KLHL20: variants seen among roughly 807,000 people sequenced by gnomAD.
KLHL20 encodes the protein kelch-like protein 20.
In KLHL20, 29 loss-of-function variants were observed where a neutral mutation model predicts 69.5. That is an observed-to-expected ratio of 0.42 (90% CI 0.31 to 0.57). The LOEUF is 0.57. Ranked by LOEUF, KLHL20 falls within the 20% of genes least tolerant of loss-of-function variation. KLHL20 has a pLI of 0.18. For missense variants in KLHL20, 419 were observed against 776.0 expected (o/e 0.54, Z 5.47); for synonymous variants, 253 against 265.2 (o/e 0.95, Z 0.45).
intron 11 of KLHL20, 79 bp downstream of exon 11, chr1:173,782,309 A>T: frequency 1.9e-6 from 2 of 1,043,104 alleles, no homozygotes; most frequent in South Asian, 1.3e-5. Flanking sequence ...TGACCATCAG[A>T]ACTGGGATGG....
At chr1:173,774,509 C>T (rs1395483680) in intron 9 of KLHL20, 71 bp downstream of exon 9, 9 of 1,530,184 alleles carry the variant, frequency 5.9e-6, no homozygotes, top group South Asian at 2.3e-5. Context: ...TCCTACAAAA[C>T]GTGTAGAAAC....
intron 8 of KLHL20, among the ~76,000 whole-genome samples, chr1:173,773,365 T>G (rs1648231018): frequency 6.6e-6 from 1 of 150,882 alleles, no homozygotes; most frequent in Admixed American, 6.6e-5. Flanking sequence ...GAGGATTGCT[T>G]GAGGCCAGGA....
intron 3 of KLHL20, among the ~76,000 whole-genome samples, chr1:173,738,422 G>A (rs1378056048): frequency 3.9e-5 from 6 of 152,030 alleles, no homozygotes; most frequent in African/African-American, 9.7e-5. Context: ...CACCTGCCTC[G>A]GTGTCCCAAA....
intron 3 of KLHL20, among the ~76,000 whole-genome samples, chr1:173,745,761 T>C (rs1268305037): frequency 1.3e-5 from 2 of 152,210 alleles, no homozygotes; most frequent in African/African-American, 4.8e-5. Flanking sequence ...AATGGAAATA[T>C]TGTACATACT....
chr1:173,715,716 GT>G (rs1199859072), intron 1 of KLHL20: 2 of 306,756 alleles, frequency 6.5e-6, no homozygotes, highest in Non-Finnish European at 1.2e-5. Context: ...CGAGATCACA[GT>G]TAAATATCTC....
intron 2 of KLHL20, among the ~76,000 whole-genome samples, chr1:173,720,947 A>G (rs1169725335): frequency 1.3e-5 from 2 of 152,142 alleles, no homozygotes; most frequent in South Asian, 2.1e-4. Flanking sequence ...CTGGGGCAGA[A>G]GAGAGATTTG....
intron 3 of KLHL20, among the ~76,000 whole-genome samples, chr1:173,751,483 T>C (rs771597466): frequency 3.5e-4 from 53 of 152,328 alleles, no homozygotes; most frequent in Non-Finnish European, 6.0e-4. Context: ...TTTGATATAG[T>C]TAATTTGTCT....
At chr1:173,726,023 C>G (rs1671941451) in intron 2 of KLHL20, among the ~76,000 whole-genome samples, 1 of 152,102 alleles carries the variant, frequency 6.6e-6, no homozygotes, top group Non-Finnish European at 1.5e-5. Context: ...CAGATGGCAC[C>G]TGGAAAATCG....
At chr1:173,776,441 CTAT>C (rs1275109834) in intron 10 of KLHL20, among the ~76,000 whole-genome samples, 2 of 152,030 alleles carry the variant, frequency 1.3e-5, no homozygotes, top group Non-Finnish European at 2.9e-5. Flanking sequence ...TCCCATTTGT[CTAT>C]TTTTTCTTTG....
intron 2 of KLHL20, among the ~76,000 whole-genome samples, chr1:173,729,361 T>C (rs1299133453): frequency 6.6e-6 from 1 of 152,230 alleles, no homozygotes; most frequent in Non-Finnish European, 1.5e-5. Context: ...GAATCCTCCC[T>C]AACTCATTTC....
rs367730712 is a variant in KLHL20 at position 173,738,409 on chromosome 1, A to G, written c.597+4123A>G. Among the ~76,000 whole-genome samples the G allele has an allele frequency of 2.4e-4, 37 of 152,194 alleles. No homozygotes were observed. In the East Asian group the frequency reaches 5.8e-3, roughly 24 times the overall value. ...GGTCTCAAACTCCTGAGCTCAGGCA[A>G]TCCACCTGCCTCGGTGTCCCAAAGT... On this transcript the variant is annotated intron_variant, in intron 3 of 11. Transcript: ENST00000209884.
chr1:173,745,061 G>A (rs1672989694), intron 3 of KLHL20, among the ~76,000 whole-genome samples: 1 of 151,252 alleles, frequency 6.6e-6, no homozygotes, highest in Non-Finnish European at 1.5e-5. Flanking sequence ...ATTTTATGAT[G>A]TTGAGTTGTC....
chr1:173,765,267 G>A (rs1434944075), intron 7 of KLHL20, among the ~76,000 whole-genome samples: 3 of 152,192 alleles, frequency 2.0e-5, no homozygotes, highest in African/African-American at 4.8e-5. Context: ...TCTTTGGGAG[G>A]CCGAGGCGGG....
At chr1:173,746,704 T>C (rs899579022) in intron 3 of KLHL20, among the ~76,000 whole-genome samples, 3 of 152,092 alleles carry the variant, frequency 2.0e-5, no homozygotes, top group Non-Finnish European at 2.9e-5. Flanking sequence ...TTTTTACTTA[T>C]TAATTAGATC....
At chr1:173,751,742 C>T (rs1258099798) in intron 3 of KLHL20, 22 bp from the exon 4 acceptor site, 50 of 1,597,982 alleles carry the variant, frequency 3.1e-5, no homozygotes, top group Admixed American at 2.7e-4. Flanking sequence ...ATTTTTTTTT[C>T]TTCTTACCTA....
At chr1:173,751,713 C>A (rs372983022) in intron 3 of KLHL20, 51 bp from the exon 4 acceptor site, 296 of 1,565,294 alleles carry the variant, frequency 1.9e-4, no homozygotes, top group Non-Finnish European at 2.4e-4. Context: ...AACACTGAGA[C>A]AATAAATGTG....
intron 9 of KLHL20, among the ~76,000 whole-genome samples, chr1:173,774,936 G>A (rs1289446621): frequency 2.0e-5 from 3 of 151,880 alleles, no homozygotes; most frequent in East Asian, 3.9e-4. Flanking sequence ...TCAGCCTCCC[G>A]AGTAGCTGGG....
rs533182850 is a variant in KLHL20, at chr1:173,740,876, C to T, written c.597+6590C>T. 3.9e-5 allele frequency among the ~76,000 whole-genome samples: 6 copies of T among 152,268 alleles called. No homozygotes were observed. In the East Asian group the frequency reaches 5.8e-4, roughly 15 times the overall value. The stretch of plus-strand genomic sequence containing the variant: ...TCAGTCAAATTATTACACAGTTTAC[C>T]TGGAAATCTCCTTCTTTCTATGGCC... On this transcript the variant is annotated intron_variant, in intron 3 of 11. Coordinates refer to ENST00000209884, the MANE Select transcript of KLHL20 (RefSeq NM_014458.4).
Position 173,785,422 on chromosome 1 carries a change from A to G in KLHL20, c.*175A>G, listed in dbSNP as rs573947080. The G allele has an allele frequency of 7.8e-6, 3 of 385,310 alleles. No individual in the cohort carries two copies. The highest frequency in any genetic ancestry group is 9.3e-5 in the Admixed American group (2 of 21,462). 23.9% of individuals were successfully genotyped at this position (385,310 alleles called of 1,614,324 possible). A position where few individuals can be genotyped will look rare whatever the true frequency, so the allele number is the denominator to read the frequency against. ...CCTGCAAGATGCACAATAATTTTCAACTCTGTGCAGAAGAATATTTATTTT... is the reference window on the plus strand; with the variant it reads ...CCTGCAAGATGCACAATAATTTTCAGCTCTGTGCAGAAGAATATTTATTTT... On this transcript the variant is annotated 3_prime_UTR_variant, in exon 12 of 12. Coordinates refer to ENST00000209884, the MANE Select transcript of KLHL20 (RefSeq NM_014458.4).
Sources: allele counts gnomAD v4.1 joint callset (sites outside exome capture counted in the v4.1 genomes callset), GRCh38; gene constraint gnomAD v4.1.1; transcripts MANE v1.5; gene names NCBI Gene and HGNC (gene_info 2026-07-23, HGNC 2026-07-21).